XRCC4: variants seen among roughly 807,000 people sequenced by gnomAD.
XRCC4 encodes the protein X-ray repair cross complementing 4, also known as DNA repair protein XRCC4.
A neutral mutation model predicts 39.1 loss-of-function variants in XRCC4; 28 were observed. That is an observed-to-expected ratio of 0.72 (90% CI 0.53 to 0.98). The LOEUF (loss-of-function observed/expected upper bound fraction) is 0.98. Ranked by LOEUF, XRCC4 falls within the 50% of genes least tolerant of loss-of-function variation. The probability of loss-of-function intolerance (pLI) is 0.00; values close to 1 mark genes in which losing one functional copy is unlikely to be tolerated. For missense variants in XRCC4, 350 were observed against 376.4 expected (o/e 0.93, Z 0.58); for synonymous variants, 123 against 126.4 (o/e 0.97, Z 0.18).
chr5:83,325,451 C>T (rs1458545511), intron 7 of XRCC4, among the ~76,000 whole-genome samples: 1 of 151,972 alleles, frequency 6.6e-6, no homozygotes, highest in Non-Finnish European at 1.5e-5. Flanking sequence ...CTTCCTGATG[C>T]TCTCCCTCCC....
At chr5:83,223,376 A>G (rs375884184) in intron 6 of XRCC4, among the ~76,000 whole-genome samples, 1 of 151,956 alleles carries the variant, frequency 6.6e-6, no homozygotes, top group East Asian at 1.9e-4. Flanking sequence ...TATTTGCTCT[A>G]TATATTTGGG....
chr5:83,108,945 A>G (rs984565561), intron 2 of XRCC4, among the ~76,000 whole-genome samples: 1 of 151,424 alleles, frequency 6.6e-6, no homozygotes, highest in African/African-American at 2.4e-5. Context: ...CTTCCAATAG[A>G]GAAAATGTGA....
intron 3 of XRCC4, among the ~76,000 whole-genome samples, chr5:83,162,957 T>TTC: frequency 6.6e-6 from 1 of 150,984 alleles, no homozygotes; most frequent in Admixed American, 6.6e-5. Flanking sequence ...TCTTTCTTTT[T>TTC]TTTTTTTGAG....
chr5:83,336,077 T>C (rs1417445535), intron 7 of XRCC4, among the ~76,000 whole-genome samples: 1 of 152,042 alleles, frequency 6.6e-6, no homozygotes, highest in African/African-American at 2.4e-5. Flanking sequence ...TTGAACATCC[T>C]TTTTCTCTTA....
intron 6 of XRCC4, among the ~76,000 whole-genome samples, chr5:83,223,881 G>T (rs571659570): frequency 1.5e-5 from 2 of 129,602 alleles, no homozygotes; most frequent in Non-Finnish European, 1.5e-5. Context: ...CCTTCCTGTG[G>T]TCCTTGTGAT....
At chr5:83,264,545 A>G (rs915208019) in intron 7 of XRCC4, among the ~76,000 whole-genome samples, 2 of 152,098 alleles carry the variant, frequency 1.3e-5, no homozygotes, top group Non-Finnish European at 2.9e-5. Flanking sequence ...AAAGCAGTTC[A>G]TGCTCATTCC....
intron 3 of XRCC4, among the ~76,000 whole-genome samples, chr5:83,135,038 G>C (rs879112887): frequency 1.3e-5 from 2 of 152,146 alleles, no homozygotes; most frequent in Admixed American, 1.3e-4. Context: ...CACTCACCGC[G>C]AGGGTCCGCA....
chr5:83,111,160 A>C lies in XRCC4; in HGVS notation c.272A>C (p.Glu91Ala). The C allele has an allele frequency of 6.3e-7, 1 of 1,598,218 alleles. No individual in the cohort carries two copies. The highest frequency in any genetic ancestry group is 8.5e-7 in the Non-Finnish European group (1 of 1,175,130). Reference protein sequence around the residue: ...ADVYTFNFSKESCYFFFEKNL... With the variant: ...ADVYTFNFSKASCYFFFEKNL... ...GTATACACGTTTAATTTTTCTAAAG[A>C]GTCTTGTTATTTCTTCTTTGAGAAA... Residue 91 changes from glutamate (E) to alanine (A), a missense_variant, in exon 3 of 8, where the codon GAG becomes GCG. By Grantham distance (107) the Glu-to-Ala change is moderately radical. Coordinates refer to ENST00000396027, the MANE Select transcript of XRCC4 (RefSeq NM_003401.5).
chr5:83,131,976 C>T (rs148433595), intron 3 of XRCC4, among the ~76,000 whole-genome samples: 2,224 of 152,160 alleles, frequency 0.015, 63 homozygotes, highest in African/African-American at 0.051. Context: ...TTCTTAGCAT[C>T]GATGGTCTTT....
chr5:83,302,463 C>T (rs1233630735), intron 7 of XRCC4, among the ~76,000 whole-genome samples: 5 of 152,146 alleles, frequency 3.3e-5, no homozygotes, highest in Non-Finnish European at 7.3e-5. Context: ...CGATCCCTTG[C>T]GCTTCCCAGG....
intron 7 of XRCC4, among the ~76,000 whole-genome samples, chr5:83,298,143 G>C (rs1347555883): frequency 1.3e-5 from 2 of 151,392 alleles, no homozygotes; most frequent in Admixed American, 6.6e-5. Context: ...GCACATAAAT[G>C]ACAGTATAAA....
chr5:83,344,128 T>TCA (rs10642662), intron 7 of XRCC4, among the ~76,000 whole-genome samples: 15,375 of 134,740 alleles, frequency 0.11, 1,207 homozygotes, highest in East Asian at 0.44. Context: ...CTGACACAGA[T>TCA]CTCACACACA....
chr5:83,348,229 C>T lies in XRCC4; in HGVS notation c.894-4902C>T, dbSNP rs868855460. ...GCTGTCTTCTCACAGTTCCATTAGG[C>T]AGTGTCCCTTTGAGGGCTCCAACCA... On this transcript the variant is annotated intron_variant, in intron 7 of 7. Transcript: ENST00000396027. Among the ~76,000 whole-genome samples, 34 of 152,306 alleles carry T rather than the reference C, an allele frequency of 2.2e-4. No individual in the cohort carries two copies. The Middle Eastern group carries it at 0.01, about 46-fold the overall frequency.
intron 3 of XRCC4, among the ~76,000 whole-genome samples, chr5:83,168,794 A>G (rs1393057053): frequency 6.6e-6 from 1 of 152,218 alleles, no homozygotes; most frequent in Non-Finnish European, 1.5e-5. Context: ...TTTAGAATTG[A>G]ACATCAGCCA....
chr5:83,136,009 T>C (rs567601457), intron 3 of XRCC4, among the ~76,000 whole-genome samples: 3 of 152,348 alleles, frequency 2.0e-5, no homozygotes, highest in African/African-American at 7.2e-5. Context: ...ACACTTTTGC[T>C]TTGTTCTGGG....
intron 6 of XRCC4, among the ~76,000 whole-genome samples, chr5:83,251,810 A>G (rs185323683): frequency 5.7e-4 from 87 of 152,302 alleles, no homozygotes; most frequent in African/African-American, 2.0e-3. Context: ...AAACAGATGC[A>G]GACACATACA....
At chr5:83,287,496 A>G (rs1348203317) in intron 7 of XRCC4, among the ~76,000 whole-genome samples, 4 of 152,066 alleles carry the variant, frequency 2.6e-5, no homozygotes, top group Admixed American at 6.6e-5. Flanking sequence ...ATAATTTACA[A>G]TAGTTTTATT....
chr5:83,136,172 A>G (rs993049203), intron 3 of XRCC4, among the ~76,000 whole-genome samples: 4 of 152,148 alleles, frequency 2.6e-5, no homozygotes, highest in African/African-American at 9.7e-5. Context: ...TTGTTTTTAT[A>G]CAAGAGGGTA....
At chr5:83,152,134 A>G (rs943605131) in intron 3 of XRCC4, among the ~76,000 whole-genome samples, 23 of 152,266 alleles carry the variant, frequency 1.5e-4, no homozygotes, top group Non-Finnish European at 3.2e-4. Flanking sequence ...ATTGAATTAA[A>G]TGTTACTAAG....
Sources: gnomAD v4.1 joint callset for allele counts (sites outside exome capture counted in the v4.1 genomes callset) on GRCh38, gnomAD v4.1.1 for gene constraint, MANE v1.5 for transcripts, NCBI Gene and HGNC (gene_info 2026-07-23, HGNC 2026-07-21) for gene names.